TMEM38B: variants seen among roughly 807,000 people sequenced by gnomAD.
TMEM38B encodes transmembrane protein 38B.
TMEM38B carries 24 observed loss-of-function variants against 28.7 expected under a neutral mutation model. That is an observed-to-expected ratio of 0.84 (90% CI 0.61 to 1.18). TMEM38B has a LOEUF of 1.18. Ranked by LOEUF, TMEM38B falls within the 50% of genes most tolerant of loss-of-function variation. The pLI is 0.00. For missense variants in TMEM38B, 380 were observed against 350.9 expected, an observed-to-expected ratio of 1.08 and a Z score of -0.66; for synonymous variants, 131 against 127.7, an observed-to-expected ratio of 1.03 and a Z score of -0.17.
chr9:105,743,098 A>C lies in TMEM38B; in HGVS notation c.543-4975A>C, dbSNP rs537569438. Among the ~76,000 whole-genome samples the C allele has an allele frequency of 7.9e-5, 12 of 152,328 alleles. No homozygotes were observed. The South Asian group carries it at 2.3e-3, about 29-fold the overall frequency. The stretch of plus-strand genomic sequence containing the variant: ...TAAAGAAAAAAACAAAGAAGAAGAA[A>C]ACAATAAAATAAAACATGACTGTTA... On this transcript the variant is annotated intron_variant, in intron 4 of 5. Coordinates refer to ENST00000374692, the MANE Select transcript of TMEM38B (RefSeq NM_018112.3).
intron 4 of TMEM38B, among the ~76,000 whole-genome samples, chr9:105,733,432 T>TTC (rs1394250235): frequency 2.0e-4 from 31 of 151,378 alleles, no homozygotes; most frequent in African/African-American, 7.5e-4. Context: ...TTTTTTTTTT[T>TTC]TTTTGCGGTG....
At chr9:105,738,047 A>G (rs1029601440) in intron 4 of TMEM38B, among the ~76,000 whole-genome samples, 1 of 152,078 alleles carries the variant, frequency 6.6e-6, no homozygotes, top group African/African-American at 2.4e-5. Context: ...TACAGTAGCT[A>G]TTTGCCTACA....
intron 5 of TMEM38B, among the ~76,000 whole-genome samples, chr9:105,763,506 C>G (rs1215922207): frequency 6.6e-6 from 1 of 152,184 alleles, no homozygotes; most frequent in Non-Finnish European, 1.5e-5. Flanking sequence ...TTCCTCGACA[C>G]ATACACTCTC....
In TMEM38B at chr9:105,773,998, A is replaced by G. The variant is rs144909965; in HGVS notation, c.794A>G (p.Asn265Ser). 5.6e-5 allele frequency: 90 copies of G among 1,613,676 alleles called. 1 individual carries two copies. The African/African-American group carries it at 9.5e-4, about 17-fold the overall frequency. ...AAAAGTGAAGCAAAGTCACCTTCCA[A>G]TGGCGTTGGGTCATTGGCCTCAAAG... is the stretch of plus-strand genomic sequence containing the variant. ...EKKSEAKSPS[N>S]GVGSLASKPV... Residue 265 changes from asparagine to serine, a missense_variant, in exon 6 of 6, where the codon AAT becomes AGT. Coordinates refer to ENST00000374692, the MANE Select transcript of TMEM38B (RefSeq NM_018112.3).
chr9:105,767,925 T>C (rs1282291958), intron 5 of TMEM38B, among the ~76,000 whole-genome samples: 1 of 152,184 alleles, frequency 6.6e-6, no homozygotes. Flanking sequence ...GCTGTTTTTT[T>C]CCTTGCCTTA....
At chr9:105,732,635 T>C (rs553293323) in intron 4 of TMEM38B, among the ~76,000 whole-genome samples, 1 of 147,404 alleles carries the variant, frequency 6.8e-6, no homozygotes, top group East Asian at 2.1e-4. Flanking sequence ...GTGGTGTTAT[T>C]TCTGAGGCCT....
chr9:105,766,609 GTTTAC>G (rs1212507494), intron 5 of TMEM38B, among the ~76,000 whole-genome samples: 5 of 151,806 alleles, frequency 3.3e-5, no homozygotes, highest in African/African-American at 9.7e-5. Context: ...TTTTGATGAA[GTTTAC>G]TTTACTAGAT....
At chr9:105,728,494 G>A (rs1309471616) in intron 4 of TMEM38B, among the ~76,000 whole-genome samples, 4 of 152,130 alleles carry the variant, frequency 2.6e-5, no homozygotes. Flanking sequence ...ATTATTGATG[G>A]ACATTTTGGT....
intron 4 of TMEM38B, among the ~76,000 whole-genome samples, chr9:105,732,320 C>T (rs899607395): frequency 2.0e-5 from 3 of 152,118 alleles, no homozygotes; most frequent in Non-Finnish European, 1.5e-5. Flanking sequence ...TAATTAGATC[C>T]CATTTGTCAA....
intron 5 of TMEM38B, chr9:105,758,331 G>C (rs1336354744): frequency 1.2e-6 from 1 of 839,436 alleles, no homozygotes; most frequent in African/African-American, 1.7e-5. Flanking sequence ...CTAGAATTCA[G>C]ATCTTCCTGG....
intron 4 of TMEM38B, among the ~76,000 whole-genome samples, chr9:105,731,631 T>A (rs1228662862): frequency 6.6e-6 from 1 of 152,200 alleles, no homozygotes; most frequent in African/African-American, 2.4e-5. Context: ...ACAAAGGACA[T>A]GAACTCATCC....
At chr9:105,738,921 C>A (rs1188609414) in intron 4 of TMEM38B, among the ~76,000 whole-genome samples, 1 of 151,942 alleles carries the variant, frequency 6.6e-6, no homozygotes, top group Non-Finnish European at 1.5e-5. Context: ...TGGAGTCTTA[C>A]TGCGTCACCC....
At chr9:105,719,998 ACT>A (rs1396365555) in intron 2 of TMEM38B, among the ~76,000 whole-genome samples, 2 of 152,100 alleles carry the variant, frequency 1.3e-5, no homozygotes, top group Non-Finnish European at 2.9e-5. Flanking sequence ...CAAAGAGAGA[ACT>A]ATACAGACTT....
intron 4 of TMEM38B, among the ~76,000 whole-genome samples, chr9:105,728,166 A>G (rs145647360): frequency 0.023 from 3,518 of 152,266 alleles, 133 homozygotes; most frequent in African/African-American, 0.081. Flanking sequence ...ATAGGTATAC[A>G]TGTGCCGTGT....
intron 1 of TMEM38B, among the ~76,000 whole-genome samples, chr9:105,705,171 A>G (rs981267934): frequency 6.6e-6 from 1 of 152,132 alleles, no homozygotes; most frequent in Non-Finnish European, 1.5e-5. Context: ...TCTTGTTGAA[A>G]GCTTAGTTTA....
At chr9:105,749,624 T>C (rs1837571150) in intron 5 of TMEM38B, among the ~76,000 whole-genome samples, 4 of 148,740 alleles carry the variant, frequency 2.7e-5, no homozygotes, top group Admixed American at 2.0e-4. Flanking sequence ...TTTTTTAGTA[T>C]ATTCATGGAT....
chr9:105,758,578 T>C, intron 5 of TMEM38B: 2 of 1,093,736 alleles, frequency 1.8e-6, no homozygotes, highest in South Asian at 2.5e-5. Context: ...AATCATGTAA[T>C]TGAAGATATC....
At chr9:105,744,207 A>G (rs1224979073) in intron 4 of TMEM38B, among the ~76,000 whole-genome samples, 3 of 152,064 alleles carry the variant, frequency 2.0e-5, no homozygotes, top group African/African-American at 7.2e-5. Flanking sequence ...AGAAAAATAT[A>G]AACAATAGAA....
chr9:105,734,288 A>T (rs548836815), intron 4 of TMEM38B, among the ~76,000 whole-genome samples: 2 of 152,206 alleles, frequency 1.3e-5, no homozygotes, highest in East Asian at 3.9e-4. Flanking sequence ...GTTTTATACT[A>T]TTGTGGTCAA....
Sources: allele counts gnomAD v4.1 joint callset (sites outside exome capture counted in the v4.1 genomes callset), GRCh38; gene constraint gnomAD v4.1.1; transcripts MANE v1.5; gene names NCBI Gene and HGNC (gene_info 2026-07-23, HGNC 2026-07-21).